Variants in LPP observed in about 807,000 individuals in gnomAD.
The protein encoded by LPP is lipoma-preferred partner.
LPP carries 38 observed loss-of-function variants against 60.4 expected under a neutral mutation model. That is an observed-to-expected ratio of 0.63 (90% CI 0.49 to 0.83). The LOEUF (loss-of-function observed/expected upper bound fraction) is 0.83. Among genes scored for constraint, LPP ranks in the 40% least tolerant of loss-of-function variants. The probability of loss-of-function intolerance (pLI) is 0.00; values close to 1 mark genes in which losing one functional copy is unlikely to be tolerated. For missense variants in LPP, 902 were observed against 783.6 expected (o/e 1.15, Z -1.80); for synonymous variants, 328 against 290.8 (o/e 1.13, Z -1.30).
intron 2 of LPP, among the ~76,000 whole-genome samples, chr3:188,322,076 T>A (rs1022247427): frequency 6.6e-6 from 1 of 152,220 alleles, no homozygotes; most frequent in African/African-American, 2.4e-5. Flanking sequence ...GCTGCTTACA[T>A]ATACGAATCC....
At chr3:188,678,852 G>A (rs998933587) in intron 7 of LPP, among the ~76,000 whole-genome samples, 4 of 152,192 alleles carry the variant, frequency 2.6e-5, no homozygotes, top group African/African-American at 9.7e-5. Context: ...AGACTCAAAT[G>A]AGTAAAGTTA....
intron 3 of LPP, among the ~76,000 whole-genome samples, chr3:188,390,992 C>T (rs1779561187): frequency 6.6e-6 from 1 of 152,138 alleles, no homozygotes; most frequent in Non-Finnish European, 1.5e-5. Context: ...CCCTTTTAAA[C>T]TGTATCGGGC....
intron 4 of LPP, among the ~76,000 whole-genome samples, chr3:188,443,685 C>T (rs978909894): frequency 6.6e-5 from 10 of 152,142 alleles, no homozygotes; most frequent in East Asian, 1.9e-4. Flanking sequence ...TGCTGAATCT[C>T]GTGTTGTATC....
intron 5 of LPP, among the ~76,000 whole-genome samples, chr3:188,506,091 A>G (rs1009683286): frequency 9.2e-5 from 14 of 151,980 alleles, no homozygotes; most frequent in Admixed American, 6.6e-5. Flanking sequence ...TAGAAGCCTA[A>G]CTCTACTATT....
intron 4 of LPP, among the ~76,000 whole-genome samples, chr3:188,408,189 T>G (rs1206124662): frequency 1.3e-5 from 2 of 152,168 alleles, no homozygotes; most frequent in Non-Finnish European, 2.9e-5. Flanking sequence ...CTCTCTAATC[T>G]GAACAGAATA....
intron 6 of LPP, among the ~76,000 whole-genome samples, chr3:188,573,058 G>C (rs773057130): frequency 7.9e-5 from 12 of 152,110 alleles, no homozygotes; most frequent in Non-Finnish European, 1.2e-4. Context: ...CAATAAGTTT[G>C]TAATAGTAAT....
intron 6 of LPP, among the ~76,000 whole-genome samples, chr3:188,567,973 A>G (rs1389644949): frequency 6.6e-6 from 1 of 151,982 alleles, no homozygotes; most frequent in East Asian, 1.9e-4. Flanking sequence ...CACTAATGAT[A>G]TTGATTAGGG....
At chr3:188,749,414 A>T (rs1030976907) in intron 8 of LPP, among the ~76,000 whole-genome samples, 33 of 152,102 alleles carry the variant, frequency 2.2e-4, no homozygotes, top group African/African-American at 7.7e-4. Flanking sequence ...TACTTTCTAA[A>T]TTTTCTACAC....
At chr3:188,324,314 T>A (rs1194668144) in intron 2 of LPP, among the ~76,000 whole-genome samples, 1 of 152,220 alleles carries the variant, frequency 6.6e-6, no homozygotes, top group Non-Finnish European at 1.5e-5. Flanking sequence ...TTCTTTACTA[T>A]ATTCCATCTA....
chr3:188,422,578 C>T (rs1261179202), intron 4 of LPP, among the ~76,000 whole-genome samples: 3 of 152,054 alleles, frequency 2.0e-5, no homozygotes, highest in Non-Finnish European at 2.9e-5. Flanking sequence ...GAGATTGTGA[C>T]TAGGGAGTTT....
chr3:188,684,579 C>T (rs1219999069), intron 7 of LPP, among the ~76,000 whole-genome samples: 1 of 152,094 alleles, frequency 6.6e-6, no homozygotes, highest in African/African-American at 2.4e-5. Flanking sequence ...AAAACTTTGT[C>T]CCATACGCTG....
chr3:188,415,182 A>G (rs905020829), intron 4 of LPP, among the ~76,000 whole-genome samples: 2 of 152,306 alleles, frequency 1.3e-5, no homozygotes, highest in Admixed American at 6.5e-5. Context: ...CGTATTTTAC[A>G]TCTGAAGAGA....
At chr3:188,173,512 A>AAC (rs139381175) in intron 1 of LPP, among the ~76,000 whole-genome samples, 63,744 of 151,376 alleles carry the variant, frequency 0.42, 13,896 homozygotes, top group Non-Finnish European at 0.49. Context: ...AAAAAAAACA[A>AAC]AAACAAAAAA....
At chr3:188,777,860 A>G (rs1295490601) in intron 9 of LPP, among the ~76,000 whole-genome samples, 1 of 152,210 alleles carries the variant, frequency 6.6e-6, no homozygotes, top group African/African-American at 2.4e-5. Context: ...TAAAATAGAT[A>G]TCTTTTTAGT....
chr3:188,233,651 G>A (rs533956479), intron 2 of LPP, among the ~76,000 whole-genome samples: 58 of 152,270 alleles, frequency 3.8e-4, no homozygotes, highest in African/African-American at 9.9e-4. Flanking sequence ...CATAATGAAA[G>A]TATTCCTGTA....
chr3:188,822,763 C>G, intron 9 of LPP, among the ~76,000 whole-genome samples: 1 of 152,154 alleles, frequency 6.6e-6, no homozygotes, highest in Non-Finnish European at 1.5e-5. Context: ...GAAGCAGGCA[C>G]AATCACAGCT....
At chr3:188,499,532 C>G (rs1811214633) in intron 5 of LPP, among the ~76,000 whole-genome samples, 1 of 152,138 alleles carries the variant, frequency 6.6e-6, no homozygotes, top group South Asian at 2.1e-4. Flanking sequence ...TTTTTGAAAT[C>G]AGGAAGTGTC....
intron 1 of LPP, among the ~76,000 whole-genome samples, chr3:188,203,426 A>AATATATATTTATATAAATAT (rs1731777819): frequency 1.1e-5 from 1 of 91,122 alleles, no homozygotes; most frequent in Non-Finnish European, 1.9e-5. Flanking sequence ...ATATAATATA[A>AATATATATTTATATAAATAT]ATATAAATAT....
intron 5 of LPP, among the ~76,000 whole-genome samples, chr3:188,487,866 G>A (rs1438462401): frequency 6.6e-6 from 1 of 152,138 alleles, no homozygotes; most frequent in Non-Finnish European, 1.5e-5. Context: ...TTTCCAGCCA[G>A]ATTTTCAGGT....
Sources: allele counts gnomAD v4.1 joint callset (sites outside exome capture counted in the v4.1 genomes callset), GRCh38; gene constraint gnomAD v4.1.1; transcripts MANE v1.5; gene names NCBI Gene and HGNC (gene_info 2026-07-23, HGNC 2026-07-21).